TLE4: variants seen among roughly 807,000 people sequenced by gnomAD.
TLE4 encodes TLE family member 4, transcriptional corepressor, also known as transducin-like enhancer protein 4.
TLE4 carries 8 observed loss-of-function variants against 92.8 expected under a neutral mutation model. That is an observed-to-expected ratio of 0.09 (90% CI 0.05 to 0.16). The LOEUF (loss-of-function observed/expected upper bound fraction) is 0.16, where lower values mean the gene tolerates loss of function less well. Among genes scored for constraint, TLE4 ranks in the 10% least tolerant of loss-of-function variants. The pLI is 1.00. For synonymous variants in TLE4, 371 were observed against 374.1 expected (o/e 0.99, Z 0.10); for missense variants, 675 against 997.6 (o/e 0.68, Z 4.36).
intron 7 of TLE4, among the ~76,000 whole-genome samples, chr9:79,653,109 T>C (rs567452835): frequency 2.3e-4 from 35 of 152,348 alleles, no homozygotes; most frequent in Non-Finnish European, 8.8e-5. Flanking sequence ...AGTAGCATGT[T>C]GCATTAATAG....
chr9:79,708,578 C>T lies in TLE4; in HGVS notation c.1070-15C>T, dbSNP rs563882420. On this transcript the variant is annotated splice_polypyrimidine_tract_variant and intron_variant, in intron 12 of 19. Transcript: ENST00000376552. ...CTGTGTTCTTCATTTTTCTTCCATC[C>T]ATTTTGGTTTGCAGCCTCAAGCCTA... is the stretch of plus-strand genomic sequence containing the variant. The T allele has an allele frequency of 1.9e-6, 3 of 1,599,356 alleles. No individual in the cohort carries two copies. The highest frequency in any genetic ancestry group is 2.2e-5 in the East Asian group (1 of 44,596).
intron 14 of TLE4, 102 bp from the exon 15 acceptor site, chr9:79,718,620 A>C: frequency 7.0e-7 from 1 of 1,427,620 alleles, no homozygotes; most frequent in Non-Finnish European, 9.3e-7. Context: ...CGTAAATCAC[A>C]AGTGGCACTG....
intron 8 of TLE4, among the ~76,000 whole-genome samples, chr9:79,664,909 C>A (rs1054391048): frequency 6.6e-6 from 1 of 151,826 alleles, no homozygotes; most frequent in African/African-American, 2.4e-5. Context: ...TCTCTCCATT[C>A]TTCCTTATGG....
At chr9:79,597,391 A>G (rs150188985) in intron 4 of TLE4, among the ~76,000 whole-genome samples, 89 of 152,290 alleles carry the variant, frequency 5.8e-4, no homozygotes, top group African/African-American at 1.9e-3. Context: ...AGTATTTCCA[A>G]TATGGCTCTG....
At chr9:79,661,011 T>C (rs928259678) in intron 8 of TLE4, among the ~76,000 whole-genome samples, 2 of 152,248 alleles carry the variant, frequency 1.3e-5, no homozygotes, top group Non-Finnish European at 2.9e-5. Flanking sequence ...TATTAGACAT[T>C]TTCATACTGA....
intron 8 of TLE4, among the ~76,000 whole-genome samples, chr9:79,681,364 A>G (rs183581031): frequency 4.5e-4 from 69 of 151,876 alleles, no homozygotes; most frequent in Non-Finnish European, 7.8e-4. Flanking sequence ...TACAAATAAA[A>G]ATAGCTGTTA....
chr9:79,597,378 A>C (rs762700385), intron 4 of TLE4, among the ~76,000 whole-genome samples: 2 of 152,092 alleles, frequency 1.3e-5, no homozygotes, highest in African/African-American at 4.8e-5. Context: ...GGAAAATCCT[A>C]CCAGTATTTC....
At position 79,589,771 on chromosome 9, in the gene TLE4, A is replaced by G. The variant is rs559768938; in HGVS notation, c.252+13594A>G. 5.3e-5 allele frequency among the ~76,000 whole-genome samples: 8 copies of G among 152,296 alleles called. No homozygotes were observed. The South Asian group carries it at 8.3e-4, about 16-fold the overall frequency. ...TGGTTGGTACCAAGATGTATATGATAGACCGGGCTGCCTGAGAATTCAACG... is the reference window on the plus strand; with the variant it reads ...TGGTTGGTACCAAGATGTATATGATGGACCGGGCTGCCTGAGAATTCAACG... On this transcript the variant is annotated intron_variant, in intron 4 of 19. Transcript: ENST00000376552.
intron 19 of TLE4, among the ~76,000 whole-genome samples, chr9:79,723,860 A>G: frequency 6.6e-6 from 1 of 152,212 alleles, no homozygotes; most frequent in East Asian, 1.9e-4. Flanking sequence ...CATAACATGG[A>G]TTATCACTTG....
chr9:79,628,148 A>G (rs2053155537), intron 6 of TLE4, among the ~76,000 whole-genome samples: 1 of 152,114 alleles, frequency 6.6e-6, no homozygotes, highest in Admixed American at 6.5e-5. Context: ...AATAACAATA[A>G]AGGCAAGAAA....
chr9:79,619,027 T>C (rs2050326361), intron 5 of TLE4, among the ~76,000 whole-genome samples: 1 of 152,184 alleles, frequency 6.6e-6, no homozygotes, highest in African/African-American at 2.4e-5. Flanking sequence ...AAATTTAATT[T>C]TAACTTAAAA....
chr9:79,597,123 T>C (rs1054690285), intron 4 of TLE4, among the ~76,000 whole-genome samples: 2 of 152,176 alleles, frequency 1.3e-5, no homozygotes, highest in South Asian at 2.1e-4. Context: ...TTGTCTAATC[T>C]AGTGAAGCCA....
chr9:79,599,052 TA>T (rs1331336774), intron 4 of TLE4, among the ~76,000 whole-genome samples: 2 of 152,310 alleles, frequency 1.3e-5, no homozygotes, highest in East Asian at 3.9e-4. Context: ...TTTGTGGTTA[TA>T]AATCTCTTCT....
intron 14 of TLE4, among the ~76,000 whole-genome samples, chr9:79,714,796 T>C (rs1362228145): frequency 6.6e-6 from 1 of 152,170 alleles, no homozygotes; most frequent in African/African-American, 2.4e-5. Context: ...GGATGGGAGG[T>C]ACTTAACACA....
chr9:79,591,002 C>T (rs775027314), intron 4 of TLE4, among the ~76,000 whole-genome samples: 25 of 152,182 alleles, frequency 1.6e-4, no homozygotes, highest in Admixed American at 3.3e-4. Flanking sequence ...CTGGTCACCT[C>T]AGAGGGAATG....
chr9:79,704,148 C>G, intron 8 of TLE4, among the ~76,000 whole-genome samples: 1 of 152,110 alleles, frequency 6.6e-6, no homozygotes, highest in Non-Finnish European at 1.5e-5. Context: ...GAGTTTCACT[C>G]TGTCGCCCAG....
chr9:79,627,505 T>G (rs2052924249), intron 6 of TLE4, 57 bp downstream of exon 6: 3 of 1,546,066 alleles, frequency 1.9e-6, no homozygotes, highest in Admixed American at 1.7e-5. Context: ...GCTCTCTCGC[T>G]CTCTCTTTTT....
Position 79,576,168 on chromosome 9 carries a change from G to T in TLE4, c.243G>T (p.Met81Ile). 1 of 1,537,626 alleles carries T rather than the reference G, an allele frequency of 6.5e-7. No homozygotes were observed. The highest frequency in any genetic ancestry group is 2.3e-5 in the East Asian group (1 of 42,560). Reference sequence around the variant, plus strand: ...TGTCCTATGGGTTGAATATAGAAATGCACAAGCAGGTAAGTTATTTCTTTA... The same window carrying T: ...TGTCCTATGGGTTGAATATAGAAATTCACAAGCAGGTAAGTTATTTCTTTA... Reference protein sequence around the residue: ...YEMSYGLNIEMHKQAEIVKRL... With the variant: ...YEMSYGLNIEIHKQAEIVKRL... Residue 81 changes from methionine (M) to isoleucine (I), a missense_variant, in exon 4 of 20, where the codon ATG becomes ATT. By Grantham distance (10) the Met-to-Ile change is conservative (BLOSUM62 1). This residue lies in a region of TLE4 where 68 missense variants were observed against 141.2 expected (regional missense o/e 0.48). Transcript: ENST00000376552.
chr9:79,634,206 T>C (rs1238666836), intron 6 of TLE4, among the ~76,000 whole-genome samples: 1 of 152,254 alleles, frequency 6.6e-6, no homozygotes, highest in East Asian at 1.9e-4. Context: ...AAATATATTC[T>C]GAAATGATCC....
Sources: allele counts gnomAD v4.1 joint callset (sites outside exome capture counted in the v4.1 genomes callset), GRCh38; gene constraint gnomAD v4.1.1; regional missense constraint gnomAD v4.1.1; transcripts MANE v1.5; gene names NCBI Gene and HGNC (gene_info 2026-07-23, HGNC 2026-07-21).